The following HTR2C variants were observed in gnomAD, a reference collection of about 807,000 sequenced individuals.
The protein encoded by HTR2C is 5-hydroxytryptamine (serotonin) receptor 2C, G protein-coupled.
HTR2C carries 5 observed loss-of-function variants against 21.0 expected under a neutral mutation model. That is an observed-to-expected ratio of 0.24 (90% CI 0.12 to 0.50). HTR2C has a LOEUF of 0.50. HTR2C is among the 20% of genes least tolerant of loss of function. HTR2C has a pLI of 0.98. For synonymous variants in HTR2C, 150 were observed against 145.3 expected, an observed-to-expected ratio of 1.03 and a Z score of -0.23; for missense variants, 271 against 371.2, an observed-to-expected ratio of 0.73 and a Z score of 2.22.
At chrX:114,716,475 A>G (rs1255775900) in intron 2 of HTR2C, among the ~76,000 whole-genome samples, 3 of 111,185 alleles carry the variant, frequency 2.7e-5, no homozygotes, top group Non-Finnish European at 5.7e-5. Flanking sequence ...TTTCCATTTG[A>G]ATTCCAAGCA....
intron 2 of HTR2C, among the ~76,000 whole-genome samples, chrX:114,674,058 T>C (rs1288130979): frequency 3.6e-5 from 4 of 112,263 alleles, no homozygotes; most frequent in African/African-American, 1.3e-4. Flanking sequence ...AGCAGTTGTG[T>C]TTTTCCAAAG....
chrX:114,590,230 C>A (rs1927574532), intron 1 of HTR2C, among the ~76,000 whole-genome samples: 1 of 111,747 alleles, frequency 8.9e-6, no homozygotes, highest in African/African-American at 3.2e-5. Flanking sequence ...TGGAAAAATT[C>A]TAAATATGAT....
intron 5 of HTR2C, among the ~76,000 whole-genome samples, chrX:114,852,197 G>A (rs2070923721): frequency 9.1e-6 from 1 of 110,452 alleles, no homozygotes; most frequent in Non-Finnish European, 1.9e-5. Flanking sequence ...TTTTTTCTCT[G>A]TGGTTCTGAT....
At position 114,754,892 on chromosome X, in the gene HTR2C, T is replaced by C. The variant is rs188428022; in HGVS notation, c.349+23285T>C. Among the ~76,000 whole-genome samples, 585 of 112,116 alleles carry C rather than the reference T, an allele frequency of 5.2e-3. 5 individuals are homozygous for C. The highest frequency in any genetic ancestry group is 0.018 in the African/African-American group (561 of 30,869). On this transcript the variant is annotated intron_variant, in intron 4 of 5. Coordinates refer to ENST00000276198, the MANE Select transcript of HTR2C (RefSeq NM_000868.4). Reference sequence around the variant, plus strand: ...AATGATACATCCAACAAAAGAAGAATGTATTAGTTTCCTATGTCTGCTGTA... The same window carrying C: ...AATGATACATCCAACAAAAGAAGAACGTATTAGTTTCCTATGTCTGCTGTA...
intron 1 of HTR2C, among the ~76,000 whole-genome samples, chrX:114,612,627 T>C (rs1928783967): frequency 8.9e-6 from 1 of 112,490 alleles, no homozygotes; most frequent in Non-Finnish European, 1.9e-5. Flanking sequence ...TACTATTTAC[T>C]CTTGCTCTGT....
intron 4 of HTR2C, among the ~76,000 whole-genome samples, chrX:114,819,544 T>A (rs1569497149): frequency 1.8e-5 from 2 of 112,325 alleles, no homozygotes; most frequent in African/African-American, 6.5e-5. Flanking sequence ...ATGACCCATG[T>A]TTACTTTGGG....
intron 5 of HTR2C, among the ~76,000 whole-genome samples, chrX:114,905,286 C>A (rs1556486304): frequency 8.9e-6 from 1 of 111,873 alleles, no homozygotes; most frequent in Non-Finnish European, 1.9e-5. Flanking sequence ...AATTCCATGT[C>A]TGAGGAAGAA....
intron 5 of HTR2C, among the ~76,000 whole-genome samples, chrX:114,864,373 A>G (rs1475416985): frequency 9.0e-6 from 1 of 111,428 alleles, no homozygotes; most frequent in African/African-American, 3.2e-5. Flanking sequence ...TACTATTTTA[A>G]GCTAACAACT....
rs782643111 is a variant in HTR2C at position 114,675,282 on chromosome X, C to A, written c.-79-51576C>A. ...CTTCTTATAAAAATAGACAATAAAA[C>A]CCAACACAATCCAACTTGGTTAATT... On this transcript the variant is annotated intron_variant, in intron 2 of 5. Transcript: ENST00000276198. Among the ~76,000 whole-genome samples the A allele has an allele frequency of 3.8e-3, 422 of 111,580 alleles. 4 individuals carry two copies. Among genetic ancestry groups the A allele is most frequent in the Admixed American group, 8.5e-3 (89 of 10,465 alleles).
chrX:114,894,224 CTACTT>C (rs1377639110), intron 5 of HTR2C, among the ~76,000 whole-genome samples: 2 of 111,906 alleles, frequency 1.8e-5, no homozygotes, highest in African/African-American at 3.2e-5. Flanking sequence ...ACTTTTAAAA[CTACTT>C]TATTCATAAT....
intron 4 of HTR2C, among the ~76,000 whole-genome samples, chrX:114,839,750 A>G (rs1336103349): frequency 9.0e-6 from 1 of 111,387 alleles, no homozygotes; most frequent in Non-Finnish European, 1.9e-5. Flanking sequence ...TATGGCCTGA[A>G]GAACCTGAGG....
chrX:114,847,885 A>G lies in HTR2C; in HGVS notation c.350-118A>G. ...ATCCCTATAGAAAATAATGCTTCCT[A>G]AATTTCACTTTCTTTAAAAGGTTTA... On this transcript the variant is annotated intron_variant, in intron 4 of 5. Coordinates refer to ENST00000276198, the MANE Select transcript of HTR2C (RefSeq NM_000868.4). 3 of 523,762 alleles carry G rather than the reference A, an allele frequency of 5.7e-6. No individual in the cohort carries two copies. The South Asian group carries it at 1.0e-4, about 18-fold the overall frequency. The allele number at this position is 523,762 out of a possible 1,213,427, so 43.2% of individuals were successfully genotyped here.
At chrX:114,780,732 G>T (rs1417386539) in intron 4 of HTR2C, among the ~76,000 whole-genome samples, 3 of 111,361 alleles carry the variant, frequency 2.7e-5, no homozygotes, top group Admixed American at 9.6e-5. Context: ...GCCCCTAAAG[G>T]TCTCAAAGAA....
chrX:114,739,082 C>T (rs1556424978), intron 4 of HTR2C, among the ~76,000 whole-genome samples: 1 of 110,077 alleles, frequency 9.1e-6, no homozygotes, highest in Non-Finnish European at 1.9e-5. Context: ...TAAACATTTG[C>T]CAAAATTTAT....
chrX:114,723,111 T>A (rs1225779571), intron 2 of HTR2C, among the ~76,000 whole-genome samples: 480 of 111,424 alleles, frequency 4.3e-3, no homozygotes, highest in Non-Finnish European at 6.9e-3. Context: ...TCCTTGTACC[T>A]CTGGTAGAAT....
At chrX:114,750,909 AG>A (rs1189403541) in intron 4 of HTR2C, among the ~76,000 whole-genome samples, 4 of 111,764 alleles carry the variant, frequency 3.6e-5, no homozygotes, top group Non-Finnish European at 7.5e-5. Flanking sequence ...TACACATAAA[AG>A]GGGGAGGTAG....
At chrX:114,684,858 A>T (rs1187202249) in intron 2 of HTR2C, among the ~76,000 whole-genome samples, 1 of 111,971 alleles carries the variant, frequency 8.9e-6, no homozygotes, top group African/African-American at 3.2e-5. Context: ...TTACTATTTT[A>T]AAAGTTTAAT....
chrX:114,787,808 G>A (rs782039071), intron 4 of HTR2C, among the ~76,000 whole-genome samples: 167 of 109,788 alleles, frequency 1.5e-3, no homozygotes, highest in African/African-American at 5.4e-3. Context: ...TTAGCCAGGC[G>A]TGGTGGCAGG....
intron 1 of HTR2C, among the ~76,000 whole-genome samples, chrX:114,593,572 A>G (rs1556391710): frequency 9.0e-6 from 1 of 111,728 alleles, no homozygotes; most frequent in African/African-American, 3.3e-5. Flanking sequence ...CTCCCCAGCT[A>G]CCGTTTGCAT....
Sources: gnomAD v4.1 joint callset for allele counts (sites outside exome capture counted in the v4.1 genomes callset) on GRCh38, gnomAD v4.1.1 for gene constraint, MANE v1.5 for transcripts, NCBI Gene and HGNC (gene_info 2026-07-23, HGNC 2026-07-21) for gene names.